Variants in FAM167A observed in about 807,000 individuals in gnomAD.
FAM167A encodes the protein protein FAM167A.
A neutral mutation model predicts 14.9 loss-of-function variants in FAM167A; 23 were observed. The ratio of observed to expected loss-of-function variants is 1.55; its 90% CI spans 1.11 to 2.19. The LOEUF is 2.19. Among genes scored for constraint, FAM167A ranks in the 30% most tolerant of loss-of-function variants. The probability of loss-of-function intolerance (pLI) is 0.00; values close to 1 mark genes in which losing one functional copy is unlikely to be tolerated. For synonymous variants in FAM167A, 174 were observed against 117.7 expected, an observed-to-expected ratio of 1.48 and a Z score of -3.10; for missense variants, 401 against 281.5, an observed-to-expected ratio of 1.42 and a Z score of -3.04.
At chr8:11,468,890 T>A (rs1807867353), upstream of FAM167A, among the ~76,000 whole-genome samples, 1 of 152,170 alleles carries the variant, frequency 6.6e-6, no homozygotes, top group South Asian at 2.1e-4. Flanking sequence ...GGCATTTGTC[T>A]GCGGGCAGGA....
intron 2 of FAM167A, among the ~76,000 whole-genome samples, chr8:11,440,532 G>A (rs1004991438): frequency 2.6e-5 from 4 of 152,196 alleles, no homozygotes; most frequent in South Asian, 2.1e-4. Flanking sequence ...AGATTAAGAC[G>A]ATGCTTCCAG....
At chr8:11,453,952 C>G (rs78764165) in intron 1 of FAM167A, among the ~76,000 whole-genome samples, 3,912 of 152,312 alleles carry the variant, frequency 0.026, 93 homozygotes, top group African/African-American at 0.06. Context: ...TGCCCACACT[C>G]CTTGGGGTTG....
chr8:11,469,218 C>T (rs1397472117), upstream of FAM167A, among the ~76,000 whole-genome samples: 1 of 152,110 alleles, frequency 6.6e-6, no homozygotes, highest in Non-Finnish European at 1.5e-5. Flanking sequence ...AGAGTGTATG[C>T]AAATATTAGC....
intron 2 of FAM167A, among the ~76,000 whole-genome samples, chr8:11,434,331 C>T (rs945899134): frequency 2.0e-5 from 3 of 152,186 alleles, no homozygotes; most frequent in Non-Finnish European, 4.4e-5. Flanking sequence ...CTCTTTCAGG[C>T]CCCTGGCCTG....
Position 11,424,622 on chromosome 8 carries a change from C to T in FAM167A, c.396G>A (p.Leu132=), listed in dbSNP as rs1400046616. ...GCTGTCTGGCCAGTTGCTGGTCCTGCAGCCGCATCTCCGTCTGGAAGGGAG... is the reference window on the plus strand; with the variant it reads ...GCTGTCTGGCCAGTTGCTGGTCCTGTAGCCGCATCTCCGTCTGGAAGGGAG... ...WLRKELTEMR[L]QDQQLARQLM... is the part of the protein sequence containing the mutation. Residue 132 remains leucine, a synonymous_variant, in exon 3 of 3, where the codon CTG becomes CTA. Coordinates refer to ENST00000284486, the MANE Select transcript of FAM167A (RefSeq NM_053279.3). The T allele has an allele frequency of 2.5e-6, 4 of 1,613,860 alleles. No individual in the cohort carries two copies. The highest frequency in any genetic ancestry group is 3.4e-6 in the Non-Finnish European group (4 of 1,179,952).
At chr8:11,428,825 A>G (rs1442110726) in intron 2 of FAM167A, among the ~76,000 whole-genome samples, 1 of 152,154 alleles carries the variant, frequency 6.6e-6, no homozygotes, top group Non-Finnish European at 1.5e-5. Flanking sequence ...TTAAACACTA[A>G]CTTGAGCCCC....
intron 1 of FAM167A, among the ~76,000 whole-genome samples, chr8:11,455,442 G>A (rs1585272408): frequency 7.2e-6 from 1 of 138,612 alleles, no homozygotes; most frequent in East Asian, 2.3e-4. Flanking sequence ...GTGAGTGTGG[G>A]GGGTGGCTGC....
intron 2 of FAM167A, among the ~76,000 whole-genome samples, chr8:11,428,085 A>G (rs1805310053): frequency 6.6e-6 from 1 of 151,456 alleles, no homozygotes; most frequent in African/African-American, 2.4e-5. Context: ...TAATTTGACA[A>G]TAGATCTTTT....
At position 11,423,960 on chromosome 8, in the gene FAM167A, A is replaced by G. The variant is rs1157576940; in HGVS notation, c.*413T>C. ...GAGACAGGCACATCTGACATGCCTAATTTCCCCCAAGGCCCTTGCGGGACA... is the reference window on the plus strand; with the variant it reads ...GAGACAGGCACATCTGACATGCCTAGTTTCCCCCAAGGCCCTTGCGGGACA... On this transcript the variant is annotated 3_prime_UTR_variant, in exon 3 of 3. Coordinates refer to ENST00000284486, the MANE Select transcript of FAM167A (RefSeq NM_053279.3). 1 of 202,874 alleles carries G rather than the reference A, an allele frequency of 4.9e-6. No homozygotes were observed. The highest frequency in any genetic ancestry group is 1.0e-5 in the Non-Finnish European group (1 of 98,572). The allele number at this position is 202,874 out of a possible 1,614,324, so 12.6% of individuals were successfully genotyped here.
At chr8:11,466,774 G>C (rs996816246), upstream of FAM167A, 1 of 82,630 alleles carries the variant, frequency 1.2e-5, no homozygotes, top group Non-Finnish European at 3.0e-5. Flanking sequence ...CTTTCGGAAA[G>C]GACTTTTTTT....
intron 1 of FAM167A, among the ~76,000 whole-genome samples, chr8:11,453,014 C>T (rs1807087722): frequency 6.6e-6 from 1 of 152,164 alleles, no homozygotes; most frequent in African/African-American, 2.4e-5. Context: ...TCACGGCTGC[C>T]CCCATTCCCC....
At position 11,464,285 on chromosome 8, in the gene FAM167A, C is replaced by T. The variant is rs577632542; in HGVS notation, c.-398+2341G>A. 1.6e-3 allele frequency among the ~76,000 whole-genome samples: 242 copies of T among 152,220 alleles called. 2 individuals are homozygous for T. The highest frequency in any genetic ancestry group is 5.6e-3 in the African/African-American group (233 of 41,536). The stretch of plus-strand genomic sequence containing the variant: ...AGTTGGCCTTTAATGGACAGGGCAA[C>T]GGTCCTAACCAGGGAAAAGCTGAGA... On this transcript the variant is annotated intron_variant, in intron 1 of 2. Transcript: ENST00000284486.
intron 2 of FAM167A, among the ~76,000 whole-genome samples, chr8:11,440,136 G>A (rs1052057414): frequency 3.9e-5 from 6 of 152,116 alleles, no homozygotes; most frequent in African/African-American, 1.2e-4. Context: ...CTGCACAACG[G>A]CCACTCCCCT....
chr8:11,429,978 C>G (rs1805461566), intron 2 of FAM167A, among the ~76,000 whole-genome samples: 2 of 152,342 alleles, frequency 1.3e-5, no homozygotes, highest in South Asian at 4.1e-4. Flanking sequence ...AGTCCTTTCT[C>G]TCCAGGCCAA....
chr8:11,429,909 C>T (rs1165080191), intron 2 of FAM167A, among the ~76,000 whole-genome samples: 2 of 152,224 alleles, frequency 1.3e-5, no homozygotes, highest in African/African-American at 4.8e-5. Context: ...CAACAAATAG[C>T]ATGGCAGAAA....
intron 2 of FAM167A, among the ~76,000 whole-genome samples, chr8:11,431,498 G>A (rs898877255): frequency 6.6e-6 from 1 of 152,190 alleles, no homozygotes; most frequent in East Asian, 1.9e-4. Flanking sequence ...TATATTTAGT[G>A]AACTGTACAT....
chr8:11,424,656 G>T lies in FAM167A; in HGVS notation c.382-20C>A. 6.2e-7 allele frequency: 1 copy of T among 1,611,972 alleles called. No homozygotes were observed. On this transcript the variant is annotated intron_variant, in intron 2 of 2. Coordinates refer to ENST00000284486, the MANE Select transcript of FAM167A (RefSeq NM_053279.3). ...CTCCGTCTGGAAGGGAGGGGGAGCA[G>T]GCAGGGTCAGCAGAGAGTGGCTCGA...
At chr8:11,444,838 C>A (rs979463510) in intron 1 of FAM167A, 30 bp from the exon 2 acceptor site, 1 of 994,100 alleles carries the variant, frequency 1.0e-6, no homozygotes, top group Non-Finnish European at 1.2e-6. Flanking sequence ...CGCATCAGTC[C>A]CGATCCCTGC....
upstream of FAM167A, among the ~76,000 whole-genome samples, chr8:11,471,660 G>T (rs947691787): frequency 6.6e-6 from 1 of 152,210 alleles, no homozygotes; most frequent in Non-Finnish European, 1.5e-5. Flanking sequence ...ATCCGTGAGC[G>T]AGAGGGCTGC....
Sources: allele counts gnomAD v4.1 joint callset (sites outside exome capture counted in the v4.1 genomes callset), GRCh38; gene constraint gnomAD v4.1.1; transcripts MANE v1.5; gene names NCBI Gene and HGNC (gene_info 2026-07-23, HGNC 2026-07-21).